The following LRRC4C variants were observed in gnomAD, a reference collection of about 807,000 sequenced individuals.
LRRC4C encodes leucine-rich repeat-containing protein 4C.
A neutral mutation model predicts 33.6 loss-of-function variants in LRRC4C; 5 were observed. The observed-to-expected ratio is 0.15, with a 90% CI of 0.08 to 0.31. The LOEUF is 0.31. LRRC4C is among the 10% of genes least tolerant of loss of function. The pLI is 1.00. For synonymous variants in LRRC4C, 329 were observed against 302.0 expected (o/e 1.09, Z -0.93); for missense variants, 560 against 796.7 (o/e 0.70, Z 3.58).
At chr11:40,527,246 ATGTT>A (rs1261138702) in intron 3 of LRRC4C, among the ~76,000 whole-genome samples, 1 of 151,804 alleles carries the variant, frequency 6.6e-6, no homozygotes, top group Non-Finnish European at 1.5e-5. Context: ...CTATTCACCT[ATGTT>A]TGTGCACTTG....
At chr11:40,281,854 T>A (rs905662417) in intron 4 of LRRC4C, among the ~76,000 whole-genome samples, 5 of 152,112 alleles carry the variant, frequency 3.3e-5, no homozygotes, top group African/African-American at 9.7e-5. Flanking sequence ...CTTTCTTTTT[T>A]AAAAATCTGT....
chr11:41,373,037 TC>T (rs1313798837), intron 1 of LRRC4C, among the ~76,000 whole-genome samples: 17 of 152,224 alleles, frequency 1.1e-4, no homozygotes, highest in Admixed American at 1.1e-3. Flanking sequence ...TTCTAACACA[TC>T]CATTTAGCAC....
intron 1 of LRRC4C, among the ~76,000 whole-genome samples, chr11:41,246,217 C>T (rs7929946): frequency 0.37 from 56,755 of 151,986 alleles, 11,508 homozygotes; most frequent in Non-Finnish European, 0.46. Flanking sequence ...ATCCCCTCTC[C>T]AGCCTCCCTC....
chr11:41,228,053 C>G (rs1947620758), intron 1 of LRRC4C, among the ~76,000 whole-genome samples: 1 of 152,054 alleles, frequency 6.6e-6, no homozygotes, highest in South Asian at 2.1e-4. Flanking sequence ...TGCTTTTGCC[C>G]TGTAAAATAC....
intron 1 of LRRC4C, among the ~76,000 whole-genome samples, chr11:41,198,836 A>C (rs1946290447): frequency 6.6e-6 from 1 of 152,146 alleles, no homozygotes; most frequent in Non-Finnish European, 1.5e-5. Flanking sequence ...GAGGAGAAGC[A>C]GGTCTCCTGG....
chr11:41,280,264 G>C (rs1949620307), intron 1 of LRRC4C, among the ~76,000 whole-genome samples: 1 of 152,168 alleles, frequency 6.6e-6, no homozygotes, highest in Non-Finnish European at 1.5e-5. Flanking sequence ...TCTGTTGCAT[G>C]TGGCAAAGAT....
chr11:40,254,835 A>G (rs1993164), intron 4 of LRRC4C, among the ~76,000 whole-genome samples: 109,459 of 151,962 alleles, frequency 0.72, 41,618 homozygotes, highest in East Asian at 0.92. Flanking sequence ...TAGGGACAGG[A>G]TCTCACTCTG....
chr11:40,915,328 G>T (rs1430776797), intron 2 of LRRC4C, among the ~76,000 whole-genome samples: 4 of 152,026 alleles, frequency 2.6e-5, no homozygotes, highest in African/African-American at 4.8e-5. Context: ...AAACAGCATG[G>T]TACTGGTACC....
At chr11:41,001,045 GAC>G (rs1854339198) in intron 1 of LRRC4C, among the ~76,000 whole-genome samples, 2 of 151,888 alleles carry the variant, frequency 1.3e-5, no homozygotes, top group African/African-American at 4.8e-5. Flanking sequence ...TTATATGAAA[GAC>G]AGAGTTATTT....
chr11:40,993,299 A>C (rs1853717977), intron 1 of LRRC4C, among the ~76,000 whole-genome samples: 1 of 152,144 alleles, frequency 6.6e-6, no homozygotes, highest in South Asian at 2.1e-4. Context: ...AAGTTTGCTT[A>C]ATTATCAAAT....
intron 3 of LRRC4C, among the ~76,000 whole-genome samples, chr11:40,405,955 T>C (rs1949949606): frequency 6.6e-6 from 1 of 151,944 alleles, no homozygotes. Context: ...CCTTTCTCTG[T>C]ATGGTTTCAT....
intron 3 of LRRC4C, among the ~76,000 whole-genome samples, chr11:40,456,267 AAATTT>A (rs1952125813): frequency 6.6e-6 from 1 of 152,184 alleles, no homozygotes; most frequent in Non-Finnish European, 1.5e-5. Flanking sequence ...AATTCAAATT[AAATTT>A]ATCTATATGT....
intron 3 of LRRC4C, among the ~76,000 whole-genome samples, chr11:40,501,860 T>C (rs998219933): frequency 1.3e-5 from 2 of 152,200 alleles, no homozygotes; most frequent in Non-Finnish European, 2.9e-5. Flanking sequence ...CCTTGGAAAA[T>C]AGGATTTTCT....
intron 2 of LRRC4C, among the ~76,000 whole-genome samples, chr11:40,696,291 T>C (rs1209477362): frequency 6.9e-6 from 1 of 144,726 alleles, no homozygotes; most frequent in Non-Finnish European, 1.5e-5. Context: ...CATATATATA[T>C]ATATATATGG....
intron 2 of LRRC4C, among the ~76,000 whole-genome samples, chr11:40,652,593 T>C (rs1942872778): frequency 6.6e-6 from 1 of 152,250 alleles, no homozygotes; most frequent in East Asian, 1.9e-4. Flanking sequence ...ATTTAATAGA[T>C]GGAAAACAAG....
intron 2 of LRRC4C, among the ~76,000 whole-genome samples, chr11:40,822,185 T>C (rs1951957547): frequency 6.6e-6 from 1 of 151,732 alleles, no homozygotes; most frequent in Non-Finnish European, 1.5e-5. Context: ...TAGTCCACCA[T>C]CCACTCTACC....
chr11:41,237,208 A>G (rs1401029531), intron 1 of LRRC4C, among the ~76,000 whole-genome samples: 1 of 152,208 alleles, frequency 6.6e-6, no homozygotes, highest in Non-Finnish European at 1.5e-5. Flanking sequence ...TTTGATCTGG[A>G]TTATTTTGAA....
At chr11:40,418,574 C>T (rs11035829) in intron 3 of LRRC4C, among the ~76,000 whole-genome samples, 53,325 of 152,076 alleles carry the variant, frequency 0.35, 10,267 homozygotes, top group East Asian at 0.5. Context: ...GACCTAGAAC[C>T]GGAAATACCA....
intron 5 of LRRC4C, among the ~76,000 whole-genome samples, chr11:40,220,684 G>A (rs140730192): frequency 2.0e-4 from 30 of 152,086 alleles, no homozygotes; most frequent in African/African-American, 6.7e-4. Context: ...TTTAACTTTT[G>A]AAGACCTGAG....
Sources: gnomAD v4.1 joint callset for allele counts (sites outside exome capture counted in the v4.1 genomes callset) on GRCh38, gnomAD v4.1.1 for gene constraint, MANE v1.5 for transcripts, NCBI Gene and HGNC (gene_info 2026-07-23, HGNC 2026-07-21) for gene names.